Variants in CTIF observed in about 807,000 individuals in gnomAD.
The protein encoded by CTIF is cap binding complex dependent translation initiation factor.
Under a neutral mutation model 66.0 loss-of-function variants are expected in CTIF, and 21 were observed. That is an observed-to-expected ratio of 0.32 (90% confidence interval 0.23 to 0.46). The LOEUF (loss-of-function observed/expected upper bound fraction) is 0.46. Among genes scored for constraint, CTIF ranks in the 20% least tolerant of loss-of-function variants. CTIF has a pLI of 1.00. For synonymous variants in CTIF, 345 were observed against 326.4 expected, an observed-to-expected ratio of 1.06 and a Z score of -0.62; for missense variants, 739 against 812.7, an observed-to-expected ratio of 0.91 and a Z score of 1.10.
At chr18:48,802,279 C>T (rs528791124) in intron 9 of CTIF, among the ~76,000 whole-genome samples, 222 of 152,368 alleles carry the variant, frequency 1.5e-3, no homozygotes, top group African/African-American at 4.5e-3. Context: ...ATAAGACCTA[C>T]CACCTGTGCC....
At chr18:48,789,360 G>A (rs1490082159) in intron 9 of CTIF, among the ~76,000 whole-genome samples, 1 of 151,996 alleles carries the variant, frequency 6.6e-6, no homozygotes, top group Non-Finnish European at 1.5e-5. Flanking sequence ...TAATGATTGG[G>A]TTGGATTGCT....
intron 3 of CTIF, among the ~76,000 whole-genome samples, chr18:48,640,150 G>A (rs1453661502): frequency 1.3e-5 from 2 of 152,118 alleles, no homozygotes; most frequent in Non-Finnish European, 2.9e-5. Flanking sequence ...CTTCAGCCTG[G>A]CCCACCAGAG....
chr18:48,608,234 C>G (rs1461490115), intron 1 of CTIF, among the ~76,000 whole-genome samples: 1 of 152,270 alleles, frequency 6.6e-6, no homozygotes, highest in East Asian at 1.9e-4. Flanking sequence ...CTTCTTAGCT[C>G]TAGCTGATGG....
chr18:48,598,694 CAG>C (rs1202705516), intron 1 of CTIF, among the ~76,000 whole-genome samples: 1 of 152,162 alleles, frequency 6.6e-6, no homozygotes, highest in Non-Finnish European at 1.5e-5. Flanking sequence ...TTGTGGTCAA[CAG>C]AGAGGGTTCT....
At position 48,817,796 on chromosome 18, in the gene CTIF, C is replaced by T. The variant is rs904840856; in HGVS notation, c.1527+420C>T. On this transcript the variant is annotated intron_variant, in intron 10 of 11. Coordinates refer to ENST00000256413, the MANE Select transcript of CTIF (RefSeq NM_014772.3). ...TCTCCAAAAAAAAAAAAAGGGGGCC[C>T]ATCCTTCAGCAAAGAGATGTGCAAC... is the stretch of plus-strand genomic sequence containing the variant. Among the ~76,000 whole-genome samples the T allele has an allele frequency of 3.9e-5, 6 of 151,916 alleles. No individual in the cohort carries two copies. The East Asian group carries it at 9.7e-4, about 25-fold the overall frequency.
intron 1 of CTIF, among the ~76,000 whole-genome samples, chr18:48,544,355 G>T (rs2088695845): frequency 6.6e-6 from 1 of 152,208 alleles, no homozygotes; most frequent in Non-Finnish European, 1.5e-5. Context: ...GAGCCTTCAT[G>T]GTTAGTGGCA....
At chr18:48,654,913 G>A (rs1021589822) in intron 3 of CTIF, among the ~76,000 whole-genome samples, 2 of 151,910 alleles carry the variant, frequency 1.3e-5, no homozygotes, top group Non-Finnish European at 2.9e-5. Context: ...TCATAGGTGG[G>A]AACTGAACAA....
intron 7 of CTIF, among the ~76,000 whole-genome samples, chr18:48,726,981 G>A (rs1303754753): frequency 1.3e-5 from 2 of 151,710 alleles, no homozygotes; most frequent in East Asian, 3.9e-4. Flanking sequence ...TGCAGATGAC[G>A]CTCTTTGGGT....
chr18:48,764,595 C>G lies in CTIF; in HGVS notation c.1371+2906C>G, dbSNP rs1010018730. 4.6e-5 allele frequency among the ~76,000 whole-genome samples: 7 copies of G among 152,138 alleles called. No homozygotes were observed. In the East Asian group the frequency reaches 1.2e-3, roughly 25 times the overall value. ...CTGCAGGGACAGCTGAAGTCCAGGG[C>G]AAGAAGGGAACCCCCCACCCAAGGC... On this transcript the variant is annotated intron_variant, in intron 9 of 11. Transcript: ENST00000256413.
intron 2 of CTIF, among the ~76,000 whole-genome samples, chr18:48,631,463 C>G (rs920359552): frequency 6.6e-6 from 1 of 152,194 alleles, no homozygotes; most frequent in African/African-American, 2.4e-5. Context: ...GACTCCGTCT[C>G]AAAAACAAGA....
chr18:48,829,759 A>G (rs1177758895), intron 10 of CTIF, among the ~76,000 whole-genome samples: 2 of 152,258 alleles, frequency 1.3e-5, no homozygotes, highest in African/African-American at 4.8e-5. Context: ...GGGTGAATAA[A>G]GCACACACAG....
intron 1 of CTIF, among the ~76,000 whole-genome samples, chr18:48,548,210 A>G (rs1285084344): frequency 6.6e-6 from 1 of 152,156 alleles, no homozygotes; most frequent in Non-Finnish European, 1.5e-5. Flanking sequence ...CACATTCCCC[A>G]TGCTGTTCCC....
intron 7 of CTIF, among the ~76,000 whole-genome samples, chr18:48,723,863 C>T (rs971953518): frequency 6.6e-6 from 1 of 152,162 alleles, no homozygotes; most frequent in Non-Finnish European, 1.5e-5. Context: ...AAGGTGGCCT[C>T]TATTACAGTT....
At chr18:48,698,356 T>G (rs2092037371) in intron 6 of CTIF, among the ~76,000 whole-genome samples, 1 of 151,892 alleles carries the variant, frequency 6.6e-6, no homozygotes, top group Non-Finnish European at 1.5e-5. Context: ...TGGGACTCGC[T>G]TCCATCCTGG....
intron 6 of CTIF, among the ~76,000 whole-genome samples, chr18:48,693,430 G>C (rs1389616444): frequency 1.3e-5 from 2 of 152,228 alleles, no homozygotes; most frequent in Non-Finnish European, 2.9e-5. Context: ...AAATGCATGA[G>C]AGTCTCTGGA....
At chr18:48,719,037 G>T (rs771326842) in intron 7 of CTIF, among the ~76,000 whole-genome samples, 1 of 152,102 alleles carries the variant, frequency 6.6e-6, no homozygotes, top group Non-Finnish European at 1.5e-5. Flanking sequence ...CTTTCTTTTT[G>T]CCACCTCTTA....
At chr18:48,824,735 G>T (rs1259316206) in intron 10 of CTIF, among the ~76,000 whole-genome samples, 1 of 151,996 alleles carries the variant, frequency 6.6e-6, no homozygotes, top group Non-Finnish European at 1.5e-5. Flanking sequence ...TCGCCTCCCG[G>T]GTTCAAGCGA....
intron 5 of CTIF, among the ~76,000 whole-genome samples, chr18:48,666,323 G>A (rs2091434586): frequency 6.6e-6 from 1 of 152,052 alleles, no homozygotes; most frequent in African/African-American, 2.4e-5. Flanking sequence ...TGGCAACATT[G>A]GTCCCATCAT....
intron 3 of CTIF, among the ~76,000 whole-genome samples, chr18:48,661,174 G>A (rs2091338445): frequency 6.6e-6 from 1 of 152,180 alleles, no homozygotes. Context: ...ACTTGGGGAA[G>A]GTCTAACATT....
Sources: gnomAD v4.1 joint callset for allele counts (sites outside exome capture counted in the v4.1 genomes callset) on GRCh38, gnomAD v4.1.1 for gene constraint, MANE v1.5 for transcripts, NCBI Gene and HGNC (gene_info 2026-07-23, HGNC 2026-07-21) for gene names.